GRIK4: variants seen among roughly 807,000 people sequenced by gnomAD.
The protein encoded by GRIK4 is glutamate ionotropic receptor kainate type subunit 4, also known as glutamate receptor ionotropic, kainate 4.
Under a neutral mutation model 104.9 loss-of-function variants are expected in GRIK4, and 40 were observed. The observed-to-expected ratio is 0.38, with a 90% CI of 0.30 to 0.50. The LOEUF is 0.50. GRIK4 is among the 20% of genes least tolerant of loss of function. The probability of loss-of-function intolerance (pLI) is 0.93; values close to 1 mark genes in which losing one functional copy is unlikely to be tolerated. For synonymous variants in GRIK4, 485 were observed against 524.9 expected, an observed-to-expected ratio of 0.92 and a Z score of 1.04; for missense variants, 1,047 against 1,308.1, an observed-to-expected ratio of 0.80 and a Z score of 3.08.
At chr11:120,777,379 CT>C (rs1456234117) in intron 3 of GRIK4, among the ~76,000 whole-genome samples, 1 of 152,238 alleles carries the variant, frequency 6.6e-6, no homozygotes, top group Non-Finnish European at 1.5e-5. Context: ...TTTGTGAAAC[CT>C]TCCTGGGCAA....
At position 120,908,920 on chromosome 11, in the gene GRIK4, C is replaced by T. The variant is rs570272308; in HGVS notation, c.1476+3427C>T. 6.3e-4 allele frequency among the ~76,000 whole-genome samples: 96 copies of T among 152,360 alleles called. 1 individual carries two copies. The Middle Eastern group carries it at 0.027, about 43-fold the overall frequency. ...AAGCATAAAATGTGGGCTGATCTAG[C>T]AAGTGGGTGAGAGCTGTGACCCTCT... On this transcript the variant is annotated intron_variant, in intron 13 of 20. Coordinates refer to ENST00000527524, the MANE Select transcript of GRIK4 (RefSeq NM_014619.5).
At chr11:120,554,392 T>C (rs79985686) in intron 1 of GRIK4, among the ~76,000 whole-genome samples, 5,878 of 152,238 alleles carry the variant, frequency 0.039, 137 homozygotes, top group East Asian at 0.099. Context: ...TGGATGACGA[T>C]GTCTCCCAAC....
chr11:120,597,308 T>C (rs1215918377), intron 1 of GRIK4, among the ~76,000 whole-genome samples: 1 of 152,190 alleles, frequency 6.6e-6, no homozygotes, highest in East Asian at 1.9e-4. Flanking sequence ...GATGAGGAGA[T>C]GATGTTTCCC....
At chr11:120,756,377 T>C (rs1008808107) in intron 3 of GRIK4, among the ~76,000 whole-genome samples, 2 of 152,100 alleles carry the variant, frequency 1.3e-5, no homozygotes, top group African/African-American at 4.8e-5. Context: ...GCCTCTGTGG[T>C]GTTCTGATGG....
At chr11:120,626,973 A>G (rs183248258) in intron 1 of GRIK4, among the ~76,000 whole-genome samples, 10 of 152,336 alleles carry the variant, frequency 6.6e-5, no homozygotes, top group Admixed American at 5.2e-4. Context: ...TTATGTGCCA[A>G]CTGACTCCAC....
chr11:120,752,896 C>A (rs3133865), intron 3 of GRIK4, among the ~76,000 whole-genome samples: 16,931 of 152,332 alleles, frequency 0.11, 1,222 homozygotes, highest in South Asian at 0.25. Flanking sequence ...TCAGAGGAGG[C>A]TCCCTCCAAG....
At chr11:120,694,259 G>A (rs1950407775) in intron 3 of GRIK4, among the ~76,000 whole-genome samples, 1 of 152,120 alleles carries the variant, frequency 6.6e-6, no homozygotes, top group Non-Finnish European at 1.5e-5. Flanking sequence ...AAGAACCCTG[G>A]GCTAAATGTC....
chr11:120,957,186 G>A (rs939765157), intron 16 of GRIK4, among the ~76,000 whole-genome samples: 4 of 152,238 alleles, frequency 2.6e-5, no homozygotes, highest in African/African-American at 9.6e-5. Flanking sequence ...GCAGAGGGGA[G>A]CCAAGGGAGG....
intron 1 of GRIK4, among the ~76,000 whole-genome samples, chr11:120,632,960 A>G (rs1228133105): frequency 6.6e-6 from 1 of 152,058 alleles, no homozygotes; most frequent in Non-Finnish European, 1.5e-5. Flanking sequence ...AAGCCATGAG[A>G]TGGGCTGGTT....
At chr11:120,597,447 C>T (rs1948818126) in intron 1 of GRIK4, among the ~76,000 whole-genome samples, 1 of 152,228 alleles carries the variant, frequency 6.6e-6, no homozygotes, top group South Asian at 2.1e-4. Context: ...GACTACCCAA[C>T]AGGTGAAGAT....
At chr11:120,769,694 G>A (rs1951905280) in intron 3 of GRIK4, among the ~76,000 whole-genome samples, 2 of 152,184 alleles carry the variant, frequency 1.3e-5, no homozygotes, top group South Asian at 4.1e-4. Flanking sequence ...CATTCCTGGA[G>A]CGTGGTTTCA....
At chr11:120,868,018 A>G (rs942990262) in intron 9 of GRIK4, 8 of 152,152 alleles carry the variant, frequency 5.3e-5, no homozygotes, top group African/African-American at 1.9e-4. Flanking sequence ...CTGTCCTGGT[A>G]TTATATTGGG....
intron 1 of GRIK4, among the ~76,000 whole-genome samples, chr11:120,530,522 G>T (rs1453877067): frequency 6.6e-6 from 1 of 152,212 alleles, no homozygotes; most frequent in African/African-American, 2.4e-5. Flanking sequence ...GGCTGAGGAG[G>T]TGGCTGTTGG....
At chr11:120,925,586 G>A (rs1943326123) in intron 13 of GRIK4, among the ~76,000 whole-genome samples, 1 of 152,166 alleles carries the variant, frequency 6.6e-6, no homozygotes, top group Non-Finnish European at 1.5e-5. Context: ...TGGACTCACT[G>A]GTGAAAATTC....
intron 3 of GRIK4, among the ~76,000 whole-genome samples, chr11:120,713,469 G>T (rs1331643341): frequency 6.6e-6 from 1 of 152,192 alleles, no homozygotes; most frequent in Admixed American, 6.5e-5. Context: ...CTGACATTGG[G>T]CTCTTCAGTC....
At chr11:120,717,518 A>C (rs1328426486) in intron 3 of GRIK4, among the ~76,000 whole-genome samples, 6 of 152,094 alleles carry the variant, frequency 3.9e-5, no homozygotes. Context: ...CCTGCATAGA[A>C]AGACACCGCA....
At chr11:120,573,076 G>A (rs1283016589) in intron 1 of GRIK4, among the ~76,000 whole-genome samples, 1 of 152,158 alleles carries the variant, frequency 6.6e-6, no homozygotes, top group Non-Finnish European at 1.5e-5. Context: ...TTAAAGCGAA[G>A]TGTTCTCTTG....
intron 3 of GRIK4, among the ~76,000 whole-genome samples, chr11:120,788,173 T>A (rs1000854025): frequency 6.6e-6 from 1 of 152,080 alleles, no homozygotes; most frequent in Non-Finnish European, 1.5e-5. Context: ...CCGGCTGCCT[T>A]GCATTATATT....
At chr11:120,889,575 TAGAA>T (rs955731511) in intron 11 of GRIK4, among the ~76,000 whole-genome samples, 28 of 130,292 alleles carry the variant, frequency 2.1e-4, no homozygotes, top group Non-Finnish European at 3.2e-4. Flanking sequence ...TAGAATAAAA[TAGAA>T]AGAGCTTACA....
Sources: allele counts gnomAD v4.1 joint callset (sites outside exome capture counted in the v4.1 genomes callset), GRCh38; gene constraint gnomAD v4.1.1; transcripts MANE v1.5; gene names NCBI Gene and HGNC (gene_info 2026-07-23, HGNC 2026-07-21).